The following HTR2C variants were observed in gnomAD, a reference collection of about 807,000 sequenced individuals.
HTR2C encodes 5-hydroxytryptamine (serotonin) receptor 2C, G protein-coupled.
In HTR2C, 5 loss-of-function variants were observed where a neutral mutation model predicts 21.0. The ratio of observed to expected loss-of-function variants is 0.24; its 90% confidence interval spans 0.12 to 0.50. The LOEUF (loss-of-function observed/expected upper bound fraction) is 0.50, where lower values mean the gene tolerates loss of function less well. HTR2C is among the 20% of genes least tolerant of loss of function. HTR2C has a pLI of 0.98. For synonymous variants in HTR2C, 150 were observed against 145.3 expected (o/e 1.03, Z -0.23); for missense variants, 271 against 371.2 (o/e 0.73, Z 2.22).
intron 2 of HTR2C, among the ~76,000 whole-genome samples, chrX:114,720,945 T>A (rs1177949147): frequency 1.0e-5 from 1 of 97,145 alleles, no homozygotes; most frequent in Non-Finnish European, 2.1e-5. Flanking sequence ...GTTCCAAGTC[T>A]TTGCTATTGT....
intron 2 of HTR2C, among the ~76,000 whole-genome samples, chrX:114,656,977 A>G (rs1930806332): frequency 9.0e-6 from 1 of 111,410 alleles, no homozygotes; most frequent in Non-Finnish European, 1.9e-5. Context: ...TTAGAAATAA[A>G]TATTATATAA....
chrX:114,770,648 T>A (rs1361549817), intron 4 of HTR2C, among the ~76,000 whole-genome samples: 2 of 110,888 alleles, frequency 1.8e-5, no homozygotes, highest in African/African-American at 3.3e-5. Context: ...AAGATAGTCT[T>A]CTTTAGTTCT....
chrX:114,752,859 C>T (rs781952103), intron 4 of HTR2C, among the ~76,000 whole-genome samples: 24 of 109,941 alleles, frequency 2.2e-4, no homozygotes, highest in Non-Finnish European at 4.0e-4. Flanking sequence ...TCCATAGTAG[C>T]AATTAGATCT....
At chrX:114,595,010 T>C (rs1416524847) in intron 1 of HTR2C, among the ~76,000 whole-genome samples, 1 of 111,783 alleles carries the variant, frequency 8.9e-6, no homozygotes, top group Admixed American at 9.5e-5. Context: ...ATTTTCTTTG[T>C]AGATATTTTA....
chrX:114,590,672 T>C (rs972610732), intron 1 of HTR2C, among the ~76,000 whole-genome samples: 63 of 112,282 alleles, frequency 5.6e-4, no homozygotes, highest in African/African-American at 1.9e-3. Flanking sequence ...CAGTTTCCCC[T>C]GAAATGATTT....
At chrX:114,789,494 G>A (rs182455260) in intron 4 of HTR2C, among the ~76,000 whole-genome samples, 1 of 111,316 alleles carries the variant, frequency 9.0e-6, no homozygotes, top group Admixed American at 9.6e-5. Context: ...CTGCAGGGAG[G>A]CTGATCTGTT....
chrX:114,812,745 CA>C (rs1569496705), intron 4 of HTR2C, among the ~76,000 whole-genome samples: 2 of 23,169 alleles, frequency 8.6e-5, no homozygotes, highest in African/African-American at 3.4e-4. Context: ...AACAAACAAA[CA>C]AACAAACAAA....
intron 2 of HTR2C, among the ~76,000 whole-genome samples, chrX:114,684,658 CTAAGAA>C (rs1418469680): frequency 9.0e-6 from 1 of 110,794 alleles, no homozygotes; most frequent in African/African-American, 3.3e-5. Flanking sequence ...TACAAACACT[CTAAGAA>C]TAAGTGCAAA....
chrX:114,798,368 T>C (rs952880065), intron 4 of HTR2C, among the ~76,000 whole-genome samples: 1 of 111,284 alleles, frequency 9.0e-6, no homozygotes, highest in Non-Finnish European at 1.9e-5. Context: ...TTAGGGCTTC[T>C]CAAGAATACC....
At chrX:114,847,902 A>G (rs112813534) in intron 4 of HTR2C, 101 bp from the exon 5 acceptor site, 1 of 598,956 alleles carries the variant, frequency 1.7e-6, no homozygotes, top group Non-Finnish European at 2.6e-6. Context: ...ACTTTCTTTA[A>G]AAGGTTTAGA....
At chrX:114,830,882 AT>A (rs1280155735) in intron 4 of HTR2C, among the ~76,000 whole-genome samples, 4 of 65,041 alleles carry the variant, frequency 6.1e-5, no homozygotes, top group African/African-American at 1.6e-4. Flanking sequence ...AGAGTGTGAT[AT>A]TCCCCTTCCT....
chrX:114,714,732 C>T (rs1556419556), intron 2 of HTR2C, among the ~76,000 whole-genome samples: 3 of 111,745 alleles, frequency 2.7e-5, no homozygotes, highest in African/African-American at 9.8e-5. Flanking sequence ...CAATTCACAG[C>T]ATTTCAGAGC....
chrX:114,654,760 G>T (rs1319166536), intron 2 of HTR2C, among the ~76,000 whole-genome samples: 9 of 110,273 alleles, frequency 8.2e-5, no homozygotes, highest in African/African-American at 2.6e-4. Flanking sequence ...GCAAGAATGA[G>T]CTCAGGATAC....
In HTR2C at chrX:114,853,621, G is replaced by A. The variant is rs7878083; in HGVS notation, c.550+5418G>A. Among the ~76,000 whole-genome samples, 288 of 111,803 alleles carry A rather than the reference G, an allele frequency of 2.6e-3. 1 individual carries two copies. The highest frequency in any genetic ancestry group is 8.9e-3 in the African/African-American group (276 of 30,838). On this transcript the variant is annotated intron_variant, in intron 5 of 5. Coordinates refer to ENST00000276198, the MANE Select transcript of HTR2C (RefSeq NM_000868.4). ...GTCCATCTGTCCTGTGATATGAGAT[G>A]CCATCTTTATAGTATATTAAATATT...
At chrX:114,704,700 C>T (rs1438536722) in intron 2 of HTR2C, among the ~76,000 whole-genome samples, 16 of 111,381 alleles carry the variant, frequency 1.4e-4, no homozygotes, top group Non-Finnish European at 1.9e-5. Context: ...GTTGGAAGTG[C>T]TGGCCAGGCA....
chrX:114,632,650 C>G (rs1042651182), intron 2 of HTR2C, among the ~76,000 whole-genome samples: 14 of 110,654 alleles, frequency 1.3e-4, no homozygotes, highest in African/African-American at 4.6e-4. Flanking sequence ...TAATCTTTAT[C>G]AATGCTATTG....
At chrX:114,686,957 C>A (rs1931938866) in intron 2 of HTR2C, among the ~76,000 whole-genome samples, 1 of 111,548 alleles carries the variant, frequency 9.0e-6, no homozygotes, top group Non-Finnish European at 1.9e-5. Context: ...AATGTAGCTT[C>A]TTTAGCCAGT....
At chrX:114,741,441 G>A (rs1367199340) in intron 4 of HTR2C, among the ~76,000 whole-genome samples, 1 of 98,641 alleles carries the variant, frequency 1.0e-5, no homozygotes, top group African/African-American at 3.7e-5. Context: ...GCTTGAACCC[G>A]AGAGGCGGAG....
chrX:114,859,318 G>C (rs1363788986), intron 5 of HTR2C, among the ~76,000 whole-genome samples: 4 of 108,841 alleles, frequency 3.7e-5, no homozygotes, highest in African/African-American at 1.3e-4. Flanking sequence ...GTATGTGTCT[G>C]TGTGTGTGTG....
Sources: gnomAD v4.1 joint callset for allele counts (sites outside exome capture counted in the v4.1 genomes callset) on GRCh38, gnomAD v4.1.1 for gene constraint, MANE v1.5 for transcripts, NCBI Gene and HGNC (gene_info 2026-07-23, HGNC 2026-07-21) for gene names.